CNTN6: variants seen among roughly 807,000 people sequenced by gnomAD.
CNTN6 encodes contactin-6.
A neutral mutation model predicts 122.8 loss-of-function variants in CNTN6; 137 were observed. The ratio of observed to expected loss-of-function variants is 1.12; its 90% CI spans 0.97 to 1.29. The LOEUF (loss-of-function observed/expected upper bound fraction) is 1.29, where lower values mean the gene tolerates loss of function less well. Among genes scored for constraint, CNTN6 ranks in the 50% most tolerant of loss-of-function variants. The probability of loss-of-function intolerance (pLI) is 0.00; values close to 1 mark genes in which losing one functional copy is unlikely to be tolerated. For synonymous variants in CNTN6, 570 were observed against 426.0 expected (o/e 1.34, Z -4.16); for missense variants, 1,634 against 1,223.4 (o/e 1.34, Z -5.01).
chr3:1,329,037 T>C (rs1701910170), intron 10 of CNTN6, among the ~76,000 whole-genome samples: 1 of 151,318 alleles, frequency 6.6e-6, no homozygotes, highest in Non-Finnish European at 1.5e-5. Context: ...ACAATACCAC[T>C]GAAATAAATC....
At chr3:1,213,126 T>A (rs2094071135) in intron 2 of CNTN6, among the ~76,000 whole-genome samples, 1 of 152,154 alleles carries the variant, frequency 6.6e-6, no homozygotes. Context: ...ATGTATATAT[T>A]TTTTGAAAAC....
chr3:1,358,196 C>A (rs192499921), intron 12 of CNTN6, among the ~76,000 whole-genome samples: 1 of 151,830 alleles, frequency 6.6e-6, no homozygotes, highest in South Asian at 2.1e-4. Flanking sequence ...TCAACCGATA[C>A]GTTTATTCTG....
chr3:1,255,424 AAAAAG>A (rs2094738972), intron 4 of CNTN6, among the ~76,000 whole-genome samples: 1 of 148,642 alleles, frequency 6.7e-6, no homozygotes, highest in African/African-American at 2.5e-5. Context: ...ATGGAAAAAA[AAAAAG>A]AAAGAAAGAA....
At chr3:1,361,906 G>A (rs1278298095) in intron 12 of CNTN6, among the ~76,000 whole-genome samples, 3 of 152,038 alleles carry the variant, frequency 2.0e-5, no homozygotes, top group African/African-American at 4.8e-5. Context: ...CAATTCCTAA[G>A]CAGTATAAAT....
intron 1 of CNTN6, among the ~76,000 whole-genome samples, chr3:1,124,817 A>G (rs1025401380): frequency 3.3e-5 from 5 of 151,860 alleles, no homozygotes; most frequent in Non-Finnish European, 7.4e-5. Flanking sequence ...CCTTAGACCA[A>G]ATGAGTTACT....
intron 4 of CNTN6, among the ~76,000 whole-genome samples, chr3:1,248,415 T>C (rs2094610785): frequency 6.6e-6 from 1 of 152,196 alleles, no homozygotes; most frequent in South Asian, 2.1e-4. Context: ...TATTTCTAAT[T>C]AAACAGGATA....
intron 4 of CNTN6, among the ~76,000 whole-genome samples, chr3:1,268,631 G>A (rs1022191633): frequency 1.3e-5 from 2 of 150,962 alleles, no homozygotes; most frequent in Non-Finnish European, 3.0e-5. Flanking sequence ...AAAATACAGT[G>A]TGATGTGGCA....
intron 4 of CNTN6, among the ~76,000 whole-genome samples, chr3:1,255,786 C>T (rs1399147185): frequency 6.6e-6 from 1 of 152,084 alleles, no homozygotes; most frequent in Non-Finnish European, 1.5e-5. Context: ...AATCGTTTTG[C>T]TTCAGCCTCC....
chr3:1,357,334 C>A (rs1422123553), intron 12 of CNTN6, among the ~76,000 whole-genome samples: 2 of 151,758 alleles, frequency 1.3e-5, no homozygotes, highest in African/African-American at 4.8e-5. Flanking sequence ...TATTAACCTG[C>A]CATTACTAAC....
At chr3:1,251,063 A>C (rs1220445694) in intron 4 of CNTN6, among the ~76,000 whole-genome samples, 1 of 152,078 alleles carries the variant, frequency 6.6e-6, no homozygotes, top group East Asian at 1.9e-4. Flanking sequence ...CTATTAGCTC[A>C]CTGTCATTCT....
intron 2 of CNTN6, among the ~76,000 whole-genome samples, chr3:1,195,193 T>G (rs1016947797): frequency 1.1e-4 from 17 of 152,158 alleles, no homozygotes; most frequent in Admixed American, 6.6e-5. Context: ...ATTGTATTCT[T>G]TTCCATGGAA....
chr3:1,182,470 G>A (rs1321439522), intron 2 of CNTN6, among the ~76,000 whole-genome samples: 1 of 152,076 alleles, frequency 6.6e-6, no homozygotes, highest in Non-Finnish European at 1.5e-5. Flanking sequence ...AATTCAAAAT[G>A]GTAGTATCAT....
chr3:1,192,340 G>A (rs2093714032), intron 2 of CNTN6, among the ~76,000 whole-genome samples: 1 of 151,988 alleles, frequency 6.6e-6, no homozygotes, highest in Admixed American at 6.6e-5. Context: ...CCCTTACCGT[G>A]TATTTCTAGC....
intron 1 of CNTN6, among the ~76,000 whole-genome samples, chr3:1,108,560 G>A (rs2091335963): frequency 6.6e-6 from 1 of 151,932 alleles, no homozygotes; most frequent in Non-Finnish European, 1.5e-5. Flanking sequence ...GCTCTTGAGT[G>A]CTCAAACTGT....
rs182699183 is a variant in CNTN6 at position 1,230,750 on chromosome 3, C to T, written c.358+2757C>T. ...GGAACTTGTGTATAGACAAAGAAGA[C>T]TTCAGACTCTAAAACTCATGCACTT... On this transcript the variant is annotated intron_variant, in intron 4 of 22. Coordinates refer to ENST00000446702, the MANE Select transcript of CNTN6 (RefSeq NM_001289080.2). Among the ~76,000 whole-genome samples, 41 of 152,310 alleles carry T rather than the reference C, an allele frequency of 2.7e-4. No homozygotes were observed. The East Asian group carries it at 7.5e-3, about 28-fold the overall frequency.
chr3:1,253,952 C>A (rs1459279076), intron 4 of CNTN6, among the ~76,000 whole-genome samples: 1 of 152,130 alleles, frequency 6.6e-6, no homozygotes, highest in Non-Finnish European at 1.5e-5. Flanking sequence ...ATACATTTTG[C>A]ATGTGCTTAC....
rs114658957 is a variant in CNTN6 at position 1,371,490 on chromosome 3, T to A, written c.1493-809T>A. Among the ~76,000 whole-genome samples the A allele has an allele frequency of 7.5e-3, 1,147 of 152,254 alleles. 17 individuals are homozygous for A. Among genetic ancestry groups the A allele is most frequent in the African/African-American group, 0.026 (1,097 of 41,564 alleles). On this transcript the variant is annotated intron_variant, in intron 12 of 22. Coordinates refer to ENST00000446702, the MANE Select transcript of CNTN6 (RefSeq NM_001289080.2). The stretch of plus-strand genomic sequence containing the variant: ...AGATATTGAGTTGCTCTTTGATGAA[T>A]TCTCAACTCTCTGGAATCAGAACTT...
At chr3:1,116,351 A>G (rs577202084) in intron 1 of CNTN6, among the ~76,000 whole-genome samples, 3 of 152,336 alleles carry the variant, frequency 2.0e-5, no homozygotes, top group South Asian at 2.1e-4. Flanking sequence ...GGAAAATTGT[A>G]TCAAGACGAT....
chr3:1,238,416 A>G (rs570936928), intron 4 of CNTN6, among the ~76,000 whole-genome samples: 16 of 152,338 alleles, frequency 1.1e-4, no homozygotes, highest in African/African-American at 3.6e-4. Flanking sequence ...TATGCACCTA[A>G]CACTGGTGCT....
Sources: allele counts gnomAD v4.1 joint callset (sites outside exome capture counted in the v4.1 genomes callset), GRCh38; gene constraint gnomAD v4.1.1; transcripts MANE v1.5; gene names NCBI Gene and HGNC (gene_info 2026-07-23, HGNC 2026-07-21).